The following APBB1IP variants were observed in gnomAD, a reference collection of about 807,000 sequenced individuals.
APBB1IP encodes amyloid beta A4 precursor protein-binding family B member 1-interacting protein.
A neutral mutation model predicts 64.9 loss-of-function variants in APBB1IP; 27 were observed. That is an observed-to-expected ratio of 0.42 (90% CI 0.31 to 0.57). APBB1IP has a LOEUF of 0.57. Ranked by LOEUF, APBB1IP falls within the 20% of genes least tolerant of loss-of-function variation. APBB1IP has a pLI of 0.20. For synonymous variants in APBB1IP, 392 were observed against 331.0 expected, an observed-to-expected ratio of 1.18 and a Z score of -2.00; for missense variants, 812 against 845.5, an observed-to-expected ratio of 0.96 and a Z score of 0.49.
Position 26,567,004 on chromosome 10 carries a change from C to T in APBB1IP, c.1517C>T (p.Pro506Leu). The T allele has an allele frequency of 1.3e-6, 2 of 1,577,950 alleles. No homozygotes were observed. The highest frequency in any genetic ancestry group is 1.7e-6 in the Non-Finnish European group (2 of 1,171,160). Residue 506 changes from proline (P) to leucine (L), a missense_variant, in exon 15 of 15, where the codon CCC (proline) becomes CTC (leucine). Physicochemically the swap from Pro to Leu is moderately conservative, Grantham distance 98. Coordinates refer to ENST00000376236, the MANE Select transcript of APBB1IP (RefSeq NM_019043.4). ...ALGNHHDPAV[P>L]RAPHAPKSSL... is the part of the protein sequence containing the mutation. The stretch of plus-strand genomic sequence containing the variant: ...GGGAACCACCACGACCCGGCAGTGC[C>T]CCGGGCCCCGCACGCCCCCAAGTCC...
intron 8 of APBB1IP, among the ~76,000 whole-genome samples, chr10:26,527,917 C>T (rs1203926309): frequency 1.3e-5 from 2 of 152,080 alleles, no homozygotes; most frequent in Non-Finnish European, 1.5e-5. Context: ...GTCTCGAACT[C>T]CTGACCTCAG....
At chr10:26,496,232 C>A in intron 3 of APBB1IP, 72 bp from the exon 4 acceptor site, 1 of 1,154,742 alleles carries the variant, frequency 8.7e-7, no homozygotes. Flanking sequence ...TGGTTTTTGA[C>A]TTGCTGAGTA....
Position 26,510,772 on chromosome 10 carries a change from ACAC to A in APBB1IP, c.532-974_532-972del, listed in dbSNP as rs879886740. On this transcript the variant is annotated intron_variant, in intron 6 of 14. Coordinates refer to ENST00000376236, the MANE Select transcript of APBB1IP (RefSeq NM_019043.4). ...CACACACACACACACACACACACAC[ACAC>A]AAATGAAAATTAGATTTATCATGTG... Among the ~76,000 whole-genome samples, 283 of 151,724 alleles carry A rather than the reference ACAC, an allele frequency of 1.9e-3. 1 individual carries two copies. Among genetic ancestry groups the A allele is most frequent in the African/African-American group, 5.3e-3 (219 of 41,316 alleles).
rs1434296322 is a variant in APBB1IP, at chr10:26,560,068, C to T, written c.1156-37C>T. ...GGTGCTTTGACCTCCTAATACATGA[C>T]AAGTGAATACATTGTCTCGAAACTG... On this transcript the variant is annotated intron_variant, in intron 11 of 14. Transcript: ENST00000376236. The T allele has an allele frequency of 2.6e-6, 4 of 1,558,236 alleles. No individual in the cohort carries two copies. The African/African-American group carries it at 4.1e-5, about 16-fold the overall frequency.
intron 11 of APBB1IP, among the ~76,000 whole-genome samples, chr10:26,549,756 TACTC>T (rs1836808029): frequency 1.3e-5 from 2 of 152,034 alleles, no homozygotes; most frequent in African/African-American, 4.8e-5. Flanking sequence ...TCAAAAAACT[TACTC>T]TTTGTTTTAT....
chr10:26,439,583 C>A (rs916127595), intron 2 of APBB1IP, among the ~76,000 whole-genome samples: 1 of 152,180 alleles, frequency 6.6e-6, no homozygotes, highest in African/African-American at 2.4e-5. Flanking sequence ...AAAGACCTAG[C>A]CCGGTGTACC....
intron 10 of APBB1IP, among the ~76,000 whole-genome samples, chr10:26,539,191 G>A (rs1326561847): frequency 6.6e-6 from 1 of 152,150 alleles, no homozygotes; most frequent in Non-Finnish European, 1.5e-5. Flanking sequence ...TGGGAGGATA[G>A]CTTGAGCCCA....
intron 14 of APBB1IP, among the ~76,000 whole-genome samples, chr10:26,564,156 T>A (rs1837009962): frequency 6.6e-6 from 1 of 151,632 alleles, no homozygotes; most frequent in Admixed American, 6.6e-5. Context: ...TAATCTTCAA[T>A]GGTAAGAGGC....
chr10:26,524,953 TTC>T (rs1268136954), intron 8 of APBB1IP, among the ~76,000 whole-genome samples: 3 of 95,654 alleles, frequency 3.1e-5, no homozygotes, highest in African/African-American at 1.1e-4. Flanking sequence ...CTTTCTTTCT[TTC>T]TTTTTTTTTT....
At chr10:26,493,409 GA>G (rs1437329784) in intron 3 of APBB1IP, among the ~76,000 whole-genome samples, 1 of 152,186 alleles carries the variant, frequency 6.6e-6, no homozygotes, top group East Asian at 1.9e-4. Flanking sequence ...AAATGTCCAT[GA>G]AATCTTCACA....
intron 2 of APBB1IP, among the ~76,000 whole-genome samples, chr10:26,488,255 T>TGA (rs1402300346): frequency 4.0e-5 from 6 of 150,628 alleles, no homozygotes; most frequent in Non-Finnish European, 8.8e-5. Flanking sequence ...TTTTTTTTTT[T>TGA]GAGAGAGTCT....
intron 2 of APBB1IP, among the ~76,000 whole-genome samples, chr10:26,445,242 A>G (rs1311022678): frequency 6.6e-6 from 1 of 152,180 alleles, no homozygotes; most frequent in Non-Finnish European, 1.5e-5. Flanking sequence ...CTTTAATTAA[A>G]CTTTCAAAAC....
chr10:26,566,845 G>A, intron 14 of APBB1IP, 116 bp from the exon 15 acceptor site: 4 of 1,191,260 alleles, frequency 3.4e-6, no homozygotes, highest in Non-Finnish European at 3.4e-6. Context: ...TCCAGATCGC[G>A]CCACTGCACT....
intron 2 of APBB1IP, among the ~76,000 whole-genome samples, chr10:26,478,644 C>T (rs1271066206): frequency 2.0e-5 from 3 of 149,832 alleles, no homozygotes; most frequent in African/African-American, 7.3e-5. Flanking sequence ...AAGAAAGAGG[C>T]ACTTGGGCTG....
At chr10:26,441,861 G>A (rs781350766) in intron 2 of APBB1IP, among the ~76,000 whole-genome samples, 1 of 152,132 alleles carries the variant, frequency 6.6e-6, no homozygotes, top group Non-Finnish European at 1.5e-5. Flanking sequence ...CATAGTAATA[G>A]CAAATAATAA....
At chr10:26,522,853 A>G (rs145938935) in intron 8 of APBB1IP, among the ~76,000 whole-genome samples, 2,797 of 152,044 alleles carry the variant, frequency 0.018, 43 homozygotes, top group Middle Eastern at 0.037. Context: ...TACAAAAAAA[A>G]ATTAGCTGGG....
At chr10:26,552,612 A>G (rs1836845380) in intron 11 of APBB1IP, among the ~76,000 whole-genome samples, 1 of 151,898 alleles carries the variant, frequency 6.6e-6, no homozygotes, top group South Asian at 2.1e-4. Flanking sequence ...AAAGAAAGGA[A>G]TGAAAGAAAG....
At chr10:26,450,950 C>G (rs566951856) in intron 2 of APBB1IP, among the ~76,000 whole-genome samples, 1 of 152,108 alleles carries the variant, frequency 6.6e-6, no homozygotes, top group Non-Finnish European at 1.5e-5. Context: ...CCCGCCTCGT[C>G]CTCCCAAAGT....
intron 2 of APBB1IP, among the ~76,000 whole-genome samples, chr10:26,448,974 C>A (rs554041154): frequency 6.6e-6 from 1 of 152,274 alleles, no homozygotes; most frequent in South Asian, 2.1e-4. Flanking sequence ...CAGCCACTCT[C>A]TTTGTGGCGG....
Sources: allele counts gnomAD v4.1 joint callset (sites outside exome capture counted in the v4.1 genomes callset), GRCh38; gene constraint gnomAD v4.1.1; transcripts MANE v1.5; gene names NCBI Gene and HGNC (gene_info 2026-07-23, HGNC 2026-07-21).